MYO1C: variants seen among roughly 807,000 people sequenced by gnomAD.
MYO1C encodes the protein unconventional myosin-Ic.
In MYO1C, 104 loss-of-function variants were observed where a neutral mutation model predicts 150.8. The ratio of observed to expected loss-of-function variants is 0.69; its 90% confidence interval spans 0.59 to 0.81. MYO1C has a LOEUF of 0.81. Ranked by LOEUF, MYO1C falls within the 30% of genes least tolerant of loss-of-function variation. The pLI is 0.00. For missense variants in MYO1C, 1,504 were observed against 1,435.0 expected (o/e 1.05, Z -0.78); for synonymous variants, 663 against 579.9 (o/e 1.14, Z -2.06).
At position 1,492,361 on chromosome 17, in the gene MYO1C, G is replaced by A. The variant is rs2074745121; in HGVS notation, c.75+52C>T. 1.0e-5 allele frequency: 16 copies of A among 1,542,018 alleles called. No individual in the cohort carries two copies. In the South Asian group the frequency reaches 1.9e-4, roughly 18 times the overall value. ...GGGCTCGCCTGAGAGGGGCTGCCCG[G>A]CCTTGGGGAGACGCTCCCACCCTCC... On this transcript the variant is annotated intron_variant, in intron 1 of 31. Coordinates refer to ENST00000648651, the MANE Select transcript of MYO1C (RefSeq NM_001080779.2).
At position 1,483,732 on chromosome 17, in the gene MYO1C, T is replaced by A. The variant is rs752915919; in HGVS notation, c.232-7A>T. On this transcript the variant is annotated splice_region_variant and splice_polypyrimidine_tract_variant and intron_variant, in intron 2 of 31. Transcript: ENST00000648651. ...GGACGGGGCCAATGTAGGTCTGGGA[T>A]CGGGGGAAGAGGGTCCAAAGTTTAT... The A allele has an allele frequency of 1.2e-6, 2 of 1,601,206 alleles. No individual in the cohort carries two copies. The highest frequency in any genetic ancestry group is 1.7e-6 in the Non-Finnish European group (2 of 1,172,978).
Position 1,478,687 on chromosome 17 carries a change from G to A in MYO1C, c.1141C>T (p.Leu381Phe). Residue 381 changes from leucine (L) to phenylalanine (F), a missense_variant, in exon 10 of 32, where the codon CTC (leucine) becomes TTC (phenylalanine). Physicochemically the swap from Leu to Phe is conservative, Grantham distance 22. Transcript: ENST00000648651. The surrounding 1 kb of genome is among the most constrained non-coding windows in gnomAD (Gnocchi z 6.3). Reference protein sequence around the residue: ...LEQAAYARDALAKAVYSRTFT... With the variant: ...LEQAAYARDAFAKAVYSRTFT... ...GTGCGGCTGTACACAGCCTTGGCGAGGGCGTCTCGTGCGTACGCGGCCTGC... is the reference window on the plus strand; with the variant it reads ...GTGCGGCTGTACACAGCCTTGGCGAAGGCGTCTCGTGCGTACGCGGCCTGC... 6.2e-7 allele frequency: 1 copy of A among 1,614,188 alleles called. No individual in the cohort carries two copies. The highest frequency in any genetic ancestry group is 8.5e-7 in the Non-Finnish European group (1 of 1,180,040).
intron 3 of MYO1C, 99 bp downstream of exon 3, chr17:1,483,511 G>A (rs1446066430): frequency 1.9e-5 from 16 of 860,162 alleles, no homozygotes; most frequent in South Asian, 5.9e-5. Context: ...CAGATGTGGC[G>A]CGGGACGCCA....
At chr17:1,488,129 G>T (rs1001394818) in intron 1 of MYO1C, among the ~76,000 whole-genome samples, 11 of 152,156 alleles carry the variant, frequency 7.2e-5, no homozygotes, top group African/African-American at 2.7e-4. Flanking sequence ...AGAGGACGGG[G>T]CGGAGCTTCG....
chr17:1,489,848 G>A (rs1340683776), intron 1 of MYO1C, among the ~76,000 whole-genome samples: 1 of 151,626 alleles, frequency 6.6e-6, no homozygotes, highest in African/African-American at 2.4e-5. Flanking sequence ...AGACCAGCCT[G>A]GCCCACATGG....
intron 14 of MYO1C, chr17:1,477,164 T>G: frequency 1.5e-5 from 4 of 265,856 alleles, no homozygotes; most frequent in Non-Finnish European, 2.9e-5. Context: ...AAAAAATTCA[T>G]TATTTATTTT....
Position 1,470,292 on chromosome 17 carries a change from G to A in MYO1C, c.2409C>T (p.Pro803=), listed in dbSNP as rs116680643. The change falls in exon 24 of 32, where the codon CCC becomes CCT. Residue 803 remains proline (P), a synonymous_variant. Transcript: ENST00000648651. Reference sequence around the variant, plus strand: ...CATGGTCCAGGAAGAAGGCGTTCTCGGGGCAGCGGGGGGCGTGGCGCAGGA... The same window carrying A: ...CATGGTCCAGGAAGAAGGCGTTCTCAGGGCAGCGGGGGGCGTGGCGCAGGA... ...GFVLRHAPRC[P]ENAFFLDHVR... The A allele has an allele frequency of 8.1e-4, 1,275 of 1,579,374 alleles. 12 individuals are homozygous for A. The African/African-American group carries it at 0.015, about 19-fold the overall frequency.
chr17:1,471,784 G>C, intron 19 of MYO1C, 123 bp downstream of exon 19: 2 of 1,069,406 alleles, frequency 1.9e-6, no homozygotes, highest in South Asian at 2.6e-5. Context: ...ACCAAGGGCA[G>C]CCCAGGGCCT....
Position 1,479,506 on chromosome 17 carries a change from C to T in MYO1C, c.1021-4G>A, listed in dbSNP as rs753695787. 1 of 1,522,514 alleles carries T rather than the reference C, an allele frequency of 6.6e-7. No individual in the cohort carries two copies. The highest frequency in any genetic ancestry group is 8.9e-7 in the Non-Finnish European group (1 of 1,119,420). 94.3% of individuals were successfully genotyped at this position (1,522,514 alleles called of 1,614,324 possible). ...TCGAGCCTTCCACGCTGAGGAGCTG[C>T]CAAGGGCAGGCGAGGACACGGTGAG... On this transcript the variant is annotated splice_polypyrimidine_tract_variant and splice_region_variant and intron_variant, in intron 8 of 31. Coordinates refer to ENST00000648651, the MANE Select transcript of MYO1C (RefSeq NM_001080779.2). The surrounding 1 kb of genome is among the most constrained non-coding windows in gnomAD (Gnocchi z 4.2).
chr17:1,483,223 T>C (rs2074573919), intron 3 of MYO1C, among the ~76,000 whole-genome samples, 164 bp from the exon 4 acceptor site: 1 of 151,592 alleles, frequency 6.6e-6, no homozygotes, highest in South Asian at 2.1e-4. Flanking sequence ...AGATCCGTCA[T>C]AGCTGAGAAT....
At chr17:1,483,912 G>T (rs1025539822) in intron 2 of MYO1C, among the ~76,000 whole-genome samples, 187 bp from the exon 3 acceptor site, 3 of 151,980 alleles carry the variant, frequency 2.0e-5, no homozygotes, top group East Asian at 1.9e-4. Context: ...CGTGGTGGCG[G>T]GTGCCTGTAA....
chr17:1,474,768 G>C, intron 16 of MYO1C, 44 bp downstream of exon 16: 1 of 1,611,354 alleles, frequency 6.2e-7, no homozygotes, highest in Non-Finnish European at 8.5e-7. Context: ...GCAGAGCTGT[G>C]GGCTATCCCC....
At chr17:1,482,648 C>G (rs1435691540) in intron 4 of MYO1C, 90 bp from the exon 5 acceptor site, 7 of 1,147,886 alleles carry the variant, frequency 6.1e-6, no homozygotes, top group African/African-American at 3.4e-5. Flanking sequence ...CCTCCCCTCC[C>G]GCACTGGGCT....
intron 25 of MYO1C, 63 bp from the exon 26 acceptor site, chr17:1,468,559 G>A (rs900329411): frequency 7.3e-7 from 1 of 1,378,180 alleles, no homozygotes; most frequent in Non-Finnish European, 1.0e-6. Context: ...GGGGGGCAGA[G>A]CCAGCCTTAG....
chr17:1,473,651 G>A (rs1011810102), intron 17 of MYO1C, among the ~76,000 whole-genome samples: 1 of 152,060 alleles, frequency 6.6e-6, no homozygotes, highest in Non-Finnish European at 1.5e-5. Context: ...CCTTCAGCTC[G>A]CTGGAGCCCT....
intron 14 of MYO1C, among the ~76,000 whole-genome samples, chr17:1,476,226 T>C (rs1479084217): frequency 1.3e-5 from 2 of 151,882 alleles, no homozygotes; most frequent in African/African-American, 4.8e-5. Flanking sequence ...TCATCCAGGC[T>C]GGAGTGCAGT....
intron 29 of MYO1C, 46 bp from the exon 30 acceptor site, chr17:1,467,623 G>A (rs1207432966): frequency 1.9e-6 from 3 of 1,584,956 alleles, no homozygotes; most frequent in African/African-American, 2.7e-5. Flanking sequence ...CCCAGAACTT[G>A]AGGAACCCCC....
intron 2 of MYO1C, 49 bp from the exon 3 acceptor site, chr17:1,483,774 T>C (rs764401298): frequency 2.2e-5 from 31 of 1,439,870 alleles, no homozygotes; most frequent in Non-Finnish European, 2.7e-5. Context: ...CCAGGTGCGA[T>C]GGCTCATGCC....
chr17:1,478,192 G>A lies in MYO1C; in HGVS notation c.1296C>T (p.Ser432=). 6.2e-7 allele frequency: 1 copy of A among 1,613,584 alleles called. No homozygotes were observed. Among genetic ancestry groups the A allele is most frequent in the Non-Finnish European group, 8.5e-7 (1 of 1,179,920 alleles). Residue 432 remains serine, a splice_region_variant and synonymous_variant, in exon 12 of 32, where the codon AGC becomes AGT. Coordinates refer to ENST00000648651, the MANE Select transcript of MYO1C (RefSeq NM_001080779.2). This position sits in a 1 kb window ranked among gnomAD's most constrained non-coding sequence, Gnocchi z 6.3. ...AGTAATTGATGCAGAACTGCTCAAA[G>A]CTGTAAGGAAGGAGAAGAGCCCACA... ...IYGFEVFQHN[S]FEQFCINYCN...
Sources: gnomAD v4.1 joint callset for allele counts (sites outside exome capture counted in the v4.1 genomes callset) on GRCh38, gnomAD v4.1.1 for gene constraint, Gnocchi (gnomAD v3.1) non-coding constraint, MANE v1.5 for transcripts, NCBI Gene and HGNC (gene_info 2026-07-23, HGNC 2026-07-21) for gene names.